CHPF2: variants seen among roughly 807,000 people sequenced by gnomAD.
The protein encoded by CHPF2 is chondroitin polymerizing factor 2.
CHPF2 carries 58 observed loss-of-function variants against 63.0 expected under a neutral mutation model. The ratio of observed to expected loss-of-function variants is 0.92; its 90% CI spans 0.75 to 1.15. The LOEUF is 1.15. CHPF2 is among the 50% of genes most tolerant of loss of function. The pLI is 0.00. For synonymous variants in CHPF2, 442 were observed against 438.0 expected (o/e 1.01, Z -0.11); for missense variants, 1,045 against 1,035.4 (o/e 1.01, Z -0.13).
Position 151,237,827 on chromosome 7 carries a change from G to C in CHPF2, c.1465G>C (p.Val489Leu). Residue 489 changes from valine (V) to leucine (L), a missense_variant, in exon 4 of 4, where the codon GTG (valine) becomes CTG (leucine). Physicochemically the swap from Val to Leu is conservative, Grantham distance 32. Coordinates refer to ENST00000035307, the MANE Select transcript of CHPF2 (RefSeq NM_019015.3). ...GCCCTATGTCACTGAGGCCACCCGA[G>C]TGCAGCTGGTGCTGCCACTCCTGGT... ...PMPYVTEATR[V>L]QLVLPLLVAE... The C allele has an allele frequency of 6.2e-7, 1 of 1,612,656 alleles. No homozygotes were observed. The highest frequency in any genetic ancestry group is 8.5e-7 in the Non-Finnish European group (1 of 1,180,016).
At position 151,238,281 on chromosome 7, in the gene CHPF2, C is replaced by CG. The variant is rs1563636483; in HGVS notation, c.1924dup (p.Ala642GlyfsTer4). On this transcript the variant is annotated frameshift_variant, in exon 4 of 4. Coordinates refer to ENST00000035307, the MANE Select transcript of CHPF2 (RefSeq NM_019015.3). LOFTEE classifies it high-confidence loss of function. The stretch of plus-strand genomic sequence containing the variant: ...CCACAGAGATCACCCCCAGGGCCCC[C>CG]GGGGGCTGGCCCTGACCCCCCCTCC... 1 of 1,611,246 alleles carries CG rather than the reference C, an allele frequency of 6.2e-7. No homozygotes were observed. The highest frequency in any genetic ancestry group is 1.1e-5 in the South Asian group (1 of 91,046).
Position 151,232,560 on chromosome 7 carries a change from CT to C in CHPF2, c.-1451del, listed in dbSNP as rs1287892755. On this transcript the variant is annotated 5_prime_UTR_variant, in exon 1 of 4. Transcript: ENST00000035307. ...CCGGCGCCTCAGCGGGCACTGGGGT[CT>C]GTTCCCCCTTCCCCGTCCCTGCTCC... 1.9e-6 allele frequency: 1 copy of C among 535,658 alleles called. No homozygotes were observed. The highest frequency in any genetic ancestry group is 3.2e-6 in the Non-Finnish European group (1 of 310,684). The allele number at this position is 535,658 out of a possible 1,614,324, so 33.2% of individuals were successfully genotyped here.
In CHPF2 at chr7:151,232,651, G is replaced by A; in HGVS notation, c.-1361G>A. On this transcript the variant is annotated 5_prime_UTR_variant, in exon 1 of 4. Coordinates refer to ENST00000035307, the MANE Select transcript of CHPF2 (RefSeq NM_019015.3). ...CCTCCGCCCCGCCCCCTCCCGGGAC[G>A]CCGGGAGACCCCGGCCGTCCTTTAT... The A allele has an allele frequency of 9.0e-7, 1 of 1,108,346 alleles. No homozygotes were observed. Among genetic ancestry groups the A allele is most frequent in the Non-Finnish European group, 1.2e-6 (1 of 808,950 alleles). The allele number at this position is 1,108,346 out of a possible 1,614,324, so 68.7% of individuals were successfully genotyped here.
In CHPF2 at chr7:151,232,714, T is replaced by G; in HGVS notation, c.-1298T>G. 1 of 1,493,308 alleles carries G rather than the reference T, an allele frequency of 6.7e-7. No individual in the cohort carries two copies. Among genetic ancestry groups the G allele is most frequent in the Non-Finnish European group, 8.9e-7 (1 of 1,125,412 alleles). The allele number at this position is 1,493,308 out of a possible 1,614,324, so 92.5% of individuals were successfully genotyped here. A position where few individuals can be genotyped will look rare whatever the true frequency, so the allele number is the denominator to read the frequency against. On this transcript the variant is annotated 5_prime_UTR_variant, in exon 1 of 4. Transcript: ENST00000035307. ...GGCCCCCGGCCCTGAAACCCGGGCC[T>G]CCTCCCCGAGGGCCTTGGGCGTCCC...
At position 151,232,491 on chromosome 7, in the gene CHPF2, C is replaced by G. The variant is rs1802494699; in HGVS notation, c.-1521C>G. On this transcript the variant is annotated 5_prime_UTR_variant, in exon 1 of 4. Transcript: ENST00000035307. ...GACTGACAGGCAGCGGAAGAGGAAG[C>G]TGCGGACAGGGGCTGTGAGGTGGCA... is the stretch of plus-strand genomic sequence containing the variant. 8.4e-6 allele frequency: 4 copies of G among 476,490 alleles called. No homozygotes were observed. Among genetic ancestry groups the G allele is most frequent in the Non-Finnish European group, 1.1e-5 (3 of 268,854 alleles). The allele number at this position is 476,490 out of a possible 1,614,324, so 29.5% of individuals were successfully genotyped here.
rs1802725858 is a variant in CHPF2, at chr7:151,237,854, G to A, written c.1492G>A (p.Ala498Thr). The change falls in exon 4 of 4, where the codon GCT becomes ACT. Residue 498 changes from alanine (A) to threonine (T), a missense_variant. Physicochemically the swap from Ala to Thr is moderately conservative, Grantham distance 58. Transcript: ENST00000035307. Reference sequence around the variant, plus strand: ...GCAGCTGGTGCTGCCACTCCTGGTGGCTGAAGCTGCTGCAGCCCCGGCTTT... The same window carrying A: ...GCAGCTGGTGCTGCCACTCCTGGTGACTGAAGCTGCTGCAGCCCCGGCTTT... Reference protein sequence around the residue: ...RVQLVLPLLVAEAAAAPAFLE... With the variant: ...RVQLVLPLLVTEAAAAPAFLE... 2.5e-6 allele frequency: 4 copies of A among 1,612,672 alleles called. No individual in the cohort carries two copies. Among genetic ancestry groups the A allele is most frequent in the Non-Finnish European group, 3.4e-6 (4 of 1,180,018 alleles).
At position 151,238,004 on chromosome 7, in the gene CHPF2, G is replaced by A. The variant is rs1287039750; in HGVS notation, c.1642G>A (p.Ala548Thr). The change falls in exon 4 of 4, where the codon GCA (alanine) becomes ACA (threonine). Residue 548 changes from alanine (A) to threonine (T), a missense_variant. Ala to Thr is a moderately conservative substitution (Grantham distance 58, BLOSUM62 0). Coordinates refer to ENST00000035307, the MANE Select transcript of CHPF2 (RefSeq NM_019015.3). The part of the protein sequence containing the change: ...APDPFLGVKA[A>T]AAELERRYPG... The stretch of plus-strand genomic sequence containing the variant: ...AGACCCATTTCTTGGGGTGAAGGCT[G>A]CAGCAGCGGAGTTAGAGCGACGGTA... 1.2e-6 allele frequency: 2 copies of A among 1,613,108 alleles called. No individual in the cohort carries two copies. The highest frequency in any genetic ancestry group is 2.2e-5 in the South Asian group (2 of 91,088).
rs1236094266 is a variant in CHPF2 at position 151,233,941 on chromosome 7, C to A, written c.-71C>A. ...GTTAAAACTGAAAGCCTACTACTGG[C>A]CTGGTGCCCATCAATCCATTGATCC... On this transcript the variant is annotated 5_prime_UTR_variant, in exon 1 of 4. Coordinates refer to ENST00000035307, the MANE Select transcript of CHPF2 (RefSeq NM_019015.3). 24 of 1,445,734 alleles carry A rather than the reference C, an allele frequency of 1.7e-5. No individual in the cohort carries two copies. The highest frequency in any genetic ancestry group is 2.2e-5 in the Non-Finnish European group (24 of 1,101,668). The allele number at this position is 1,445,734 out of a possible 1,614,324, so 89.6% of individuals were successfully genotyped here.
chr7:151,233,728 A>G lies in CHPF2; in HGVS notation c.-284A>G, dbSNP rs578215884. On this transcript the variant is annotated 5_prime_UTR_variant, in exon 1 of 4. It adds an upstream start codon to the 5' untranslated region. Coordinates refer to ENST00000035307, the MANE Select transcript of CHPF2 (RefSeq NM_019015.3). ...CTCTTTTTAGTGGAAGACAGACCAT[A>G]ATCCCAGTGTGAGTGAAATTGATTG... 1 of 1,162,926 alleles carries G rather than the reference A, an allele frequency of 8.6e-7. No homozygotes were observed. The highest frequency in any genetic ancestry group is 4.1e-5 in the South Asian group (1 of 24,186). 72.0% of individuals were successfully genotyped at this position (1,162,926 alleles called of 1,614,324 possible).
Position 151,235,196 on chromosome 7 carries a change from CG to C in CHPF2, c.418del (p.Ala140ProfsTer68). ...FPRLLYFTGQ[R>X]GARAPAGMQV... Reference sequence around the variant, plus strand: ...TCGGTTACTCTACTTCACTGGGCAGCGGGGGGCCCGGGCTCCAGCAGGGATG... The same window carrying C: ...TCGGTTACTCTACTTCACTGGGCAGCGGGGGCCCGGGCTCCAGCAGGGATG... On this transcript the variant is annotated frameshift_variant, in exon 2 of 4. Coordinates refer to ENST00000035307, the MANE Select transcript of CHPF2 (RefSeq NM_019015.3). LOFTEE classifies it high-confidence loss of function. The C allele has an allele frequency of 6.2e-7, 1 of 1,612,876 alleles. No individual in the cohort carries two copies. The highest frequency in any genetic ancestry group is 8.5e-7 in the Non-Finnish European group (1 of 1,179,440).
At chr7:151,237,283 C>A in intron 3 of CHPF2, 91 bp from the exon 4 acceptor site, 1 of 953,772 alleles carries the variant, frequency 1.0e-6, no homozygotes, top group Non-Finnish European at 1.6e-6. Flanking sequence ...TAGGACAGAG[C>A]TCAGCTGTTT....
At chr7:151,236,721 G>A in intron 3 of CHPF2, 131 bp downstream of exon 3, 1 of 831,482 alleles carries the variant, frequency 1.2e-6, no homozygotes. Context: ...TGGCAGGGCA[G>A]GAAGAGGCCG....
At position 151,237,888 on chromosome 7, in the gene CHPF2, C is replaced by T. The variant is rs1482629771; in HGVS notation, c.1526C>T (p.Ala509Val). The change falls in exon 4 of 4, where the codon GCC becomes GTC. Residue 509 changes from alanine to valine, a missense_variant. Physicochemically the swap from Ala to Val is moderately conservative, Grantham distance 64. Coordinates refer to ENST00000035307, the MANE Select transcript of CHPF2 (RefSeq NM_019015.3). ...EAAAAPAFLE[A>V]FAANVLEPRE... ...GCTGCAGCCCCGGCTTTCCTCGAGGCCTTTGCAGCCAATGTCCTGGAGCCA... is the reference window on the plus strand; with the variant it reads ...GCTGCAGCCCCGGCTTTCCTCGAGGTCTTTGCAGCCAATGTCCTGGAGCCA... 3 of 1,612,736 alleles carry T rather than the reference C, an allele frequency of 1.9e-6. No individual in the cohort carries two copies. Among genetic ancestry groups the T allele is most frequent in the Admixed American group, 1.7e-5 (1 of 60,028 alleles).
Position 151,238,402 on chromosome 7 carries a change from G to A in CHPF2, c.2040G>A (p.Leu680=). 1.2e-6 allele frequency: 2 copies of A among 1,602,726 alleles called. No homozygotes were observed. The highest frequency in any genetic ancestry group is 1.7e-6 in the Non-Finnish European group (2 of 1,173,768). Residue 680 remains leucine (L), a synonymous_variant, in exon 4 of 4, where the codon CTG becomes CTA. Coordinates refer to ENST00000035307, the MANE Select transcript of CHPF2 (RefSeq NM_019015.3). The stretch of plus-strand genomic sequence containing the variant: ...GCTGCTTCTACAACGCTGACTACCT[G>A]GCGGCCCGAGCCCGGCTGGCAGGTG... The part of the protein sequence containing the change: ...AEGCFYNADY[L]AARARLAGEL...
rs1173845026 is a variant in CHPF2, at chr7:151,237,420, G to A, written c.1058G>A (p.Gly353Glu). 1 of 1,611,036 alleles carries A rather than the reference G, an allele frequency of 6.2e-7. No homozygotes were observed. The highest frequency in any genetic ancestry group is 8.5e-7 in the Non-Finnish European group (1 of 1,177,724). ...LTVLTPEGEA[G>E]LSWPVGLPAP... ...GTGCTGACCCCCGAAGGGGAGGCAG[G>A]GCTGAGCTGGCCCGTTGGGCTCCCT... Residue 353 changes from glycine to glutamate, a missense_variant, in exon 4 of 4, where the codon GGG becomes GAG. Gly to Glu is a moderately conservative substitution (Grantham distance 98). Coordinates refer to ENST00000035307, the MANE Select transcript of CHPF2 (RefSeq NM_019015.3).
intron 3 of CHPF2, 100 bp from the exon 4 acceptor site, chr7:151,237,274 A>G (rs1802692226): frequency 1.2e-6 from 1 of 846,542 alleles, no homozygotes; most frequent in Non-Finnish European, 1.8e-6. Context: ...TGATGGAGTT[A>G]GGACAGAGCT....
Position 151,238,293 on chromosome 7 carries a change from C to G in CHPF2, c.1931C>G (p.Pro644Arg). 1 of 1,610,938 alleles carries G rather than the reference C, an allele frequency of 6.2e-7. No individual in the cohort carries two copies. The highest frequency in any genetic ancestry group is 8.5e-7 in the Non-Finnish European group (1 of 1,178,632). The change falls in exon 4 of 4, where the codon CCT becomes CGT. Residue 644 changes from proline (P) to arginine (R), a missense_variant. By Grantham distance (103) the Pro-to-Arg change is moderately radical. Transcript: ENST00000035307. The part of the protein sequence containing the change: ...RSPPGPPGAG[P>R]DPPSPPGADP... ...CCCCCAGGGCCCCCGGGGGCTGGCC[C>G]TGACCCCCCCTCCCCTCCTGGTGCT...
chr7:151,233,549 C>G lies in CHPF2; in HGVS notation c.-463C>G. On this transcript the variant is annotated 5_prime_UTR_variant, in exon 1 of 4. Coordinates refer to ENST00000035307, the MANE Select transcript of CHPF2 (RefSeq NM_019015.3). ...CGGAAAGGCCCACTGAGGCAGGCTC[C>G]GGCTCCTCTGGTTGGGGCTGTTGTT... 1.0e-6 allele frequency: 1 copy of G among 986,542 alleles called. No homozygotes were observed. The highest frequency in any genetic ancestry group is 1.2e-6 in the Non-Finnish European group (1 of 830,718). 61.1% of individuals were successfully genotyped at this position (986,542 alleles called of 1,614,324 possible). A position where few individuals can be genotyped will look rare whatever the true frequency, so the allele number is the denominator to read the frequency against.
intron 1 of CHPF2, 91 bp from the exon 2 acceptor site, chr7:151,234,957 C>T (rs561478625): frequency 9.8e-7 from 1 of 1,019,880 alleles, no homozygotes; most frequent in Admixed American, 2.5e-5. Context: ...TTCTCAGCCC[C>T]AACTCACTCC....
Sources: allele counts gnomAD v4.1 joint callset, GRCh38; gene constraint gnomAD v4.1.1; transcripts MANE v1.5; gene names NCBI Gene and HGNC (gene_info 2026-07-23, HGNC 2026-07-21).